Variants in ATAD2 observed in about 807,000 individuals in gnomAD.
ATAD2 encodes the protein ATPase family AAA domain-containing protein 2.
In ATAD2, 62 loss-of-function variants were observed where a neutral mutation model predicts 168.9. The ratio of observed to expected loss-of-function variants is 0.37; its 90% CI spans 0.30 to 0.45. ATAD2 has a LOEUF of 0.45. Among genes scored for constraint, ATAD2 ranks in the 20% least tolerant of loss-of-function variants. ATAD2 has a pLI of 1.00. For missense variants in ATAD2, 1,419 were observed against 1,667.8 expected (o/e 0.85, Z 2.60); for synonymous variants, 613 against 571.6 (o/e 1.07, Z -1.03).
chr8:123,364,258 C>T (rs569102605), intron 8 of ATAD2, among the ~76,000 whole-genome samples: 18 of 152,010 alleles, frequency 1.2e-4, no homozygotes, highest in Non-Finnish European at 1.5e-4. Flanking sequence ...TGCCAAAGGC[C>T]GCTAATAACT....
intron 21 of ATAD2, among the ~76,000 whole-genome samples, chr8:123,337,119 T>G (rs977864510): frequency 6.6e-6 from 1 of 151,088 alleles, no homozygotes; most frequent in Non-Finnish European, 1.5e-5. Flanking sequence ...TCCCAGCACT[T>G]TGGGAGGCTG....
At chr8:123,338,303 C>T (rs1318568804) in intron 20 of ATAD2, among the ~76,000 whole-genome samples, 2 of 150,962 alleles carry the variant, frequency 1.3e-5, no homozygotes, top group Non-Finnish European at 2.9e-5. Context: ...TGCAGTGAGC[C>T]AAGATCGTGC....
chr8:123,351,883 G>A (rs1344322423), intron 13 of ATAD2, among the ~76,000 whole-genome samples: 1 of 152,014 alleles, frequency 6.6e-6, no homozygotes, highest in Non-Finnish European at 1.5e-5. Flanking sequence ...GAGTAGCTGG[G>A]ACTACAGGCA....
chr8:123,370,799 A>C (rs1829128367), intron 6 of ATAD2, 104 bp downstream of exon 6: 1 of 779,244 alleles, frequency 1.3e-6, no homozygotes, highest in African/African-American at 1.8e-5. Context: ...GATCTCTCAC[A>C]AACTACCATA....
rs1827599747 is a variant in ATAD2 at position 123,325,831 on chromosome 8, A to T, written c.4002+62T>A. The T allele has an allele frequency of 3.2e-6, 5 of 1,576,652 alleles. No homozygotes were observed. In the Admixed American group the frequency reaches 5.4e-5, roughly 17 times the overall value. On this transcript the variant is annotated intron_variant, in intron 26 of 27. Coordinates refer to ENST00000287394, the MANE Select transcript of ATAD2 (RefSeq NM_014109.4). Reference sequence around the variant, plus strand: ...ATGTAGCCAGAATGCTACTAGTCACAAGCCAGTGTTTGGGGATTAGTAATC... The same window carrying T: ...ATGTAGCCAGAATGCTACTAGTCACTAGCCAGTGTTTGGGGATTAGTAATC...
Position 123,361,521 on chromosome 8 carries a change from C to A in ATAD2, c.1157+18G>T, listed in dbSNP as rs759113981. 1 of 1,565,982 alleles carries A rather than the reference C, an allele frequency of 6.4e-7. No homozygotes were observed. Among genetic ancestry groups the A allele is most frequent in the Non-Finnish European group, 8.8e-7 (1 of 1,138,622 alleles). ...AAATGTGTCTGCTAGTTTAAAAAGGCATCAATATGGCACTTACCTATTGAT... is the reference window on the plus strand; with the variant it reads ...AAATGTGTCTGCTAGTTTAAAAAGGAATCAATATGGCACTTACCTATTGAT... On this transcript the variant is annotated intron_variant, in intron 9 of 27. Coordinates refer to ENST00000287394, the MANE Select transcript of ATAD2 (RefSeq NM_014109.4).
At chr8:123,367,003 A>T (rs1828998790) in intron 8 of ATAD2, among the ~76,000 whole-genome samples, 1 of 152,230 alleles carries the variant, frequency 6.6e-6, no homozygotes, top group Admixed American at 6.5e-5. Flanking sequence ...AAATAAAATA[A>T]ATAAAAAACA....
intron 1 of ATAD2, among the ~76,000 whole-genome samples, chr8:123,384,268 T>C (rs957278667): frequency 2.0e-5 from 3 of 151,916 alleles, no homozygotes; most frequent in Non-Finnish European, 4.4e-5. Flanking sequence ...AAAAACTGGG[T>C]GGCACTGCTA....
intron 22 of ATAD2, 144 bp downstream of exon 22, chr8:123,336,228 AT>A (rs1827909257): frequency 8.4e-6 from 6 of 717,994 alleles, no homozygotes; most frequent in Non-Finnish European, 1.3e-5. Context: ...TCTAAACTTC[AT>A]TTTTACCATT....
At chr8:123,365,313 A>T (rs983325254) in intron 8 of ATAD2, among the ~76,000 whole-genome samples, 1 of 152,084 alleles carries the variant, frequency 6.6e-6, no homozygotes, top group Non-Finnish European at 1.5e-5. Context: ...TCCCATGCTC[A>T]TGGATGGGTA....
intron 19 of ATAD2, among the ~76,000 whole-genome samples, chr8:123,342,193 G>A (rs542506072): frequency 1.3e-5 from 2 of 152,340 alleles, no homozygotes; most frequent in South Asian, 4.1e-4. Context: ...ACTTGCCAAT[G>A]TAATCAACCT....
intron 1 of ATAD2, among the ~76,000 whole-genome samples, chr8:123,393,768 T>G (rs1036524783): frequency 6.6e-6 from 1 of 151,426 alleles, no homozygotes; most frequent in African/African-American, 2.4e-5. Flanking sequence ...AACACAAAAA[T>G]TAGGTAGGCG....
At chr8:123,332,461 C>T (rs1324782136) in intron 24 of ATAD2, among the ~76,000 whole-genome samples, 5 of 152,102 alleles carry the variant, frequency 3.3e-5, no homozygotes, top group African/African-American at 1.2e-4. Context: ...ATTTATGACA[C>T]CATGGATTAG....
chr8:123,399,014 C>G, upstream of ATAD2, among the ~76,000 whole-genome samples: 1 of 151,938 alleles, frequency 6.6e-6, no homozygotes, highest in East Asian at 1.9e-4. Flanking sequence ...TGTAATCCCC[C>G]CACTTTGGGA....
intron 20 of ATAD2, among the ~76,000 whole-genome samples, chr8:123,338,418 G>A (rs560028398): frequency 6.6e-6 from 1 of 151,588 alleles, no homozygotes; most frequent in South Asian, 2.1e-4. Flanking sequence ...TTATTTCCAG[G>A]ACAAAAATAT....
intron 1 of ATAD2, among the ~76,000 whole-genome samples, chr8:123,407,023 A>G (rs1234363128): frequency 6.6e-6 from 1 of 152,122 alleles, no homozygotes; most frequent in Non-Finnish European, 1.5e-5. Flanking sequence ...GTGTTCTTAT[A>G]AGGGAAAGCA....
At position 123,380,609 on chromosome 8, in the gene ATAD2, A is replaced by G; in HGVS notation, c.240T>C (p.Asp80=). The change falls in exon 2 of 28, where the codon GAT becomes GAC. Residue 80 remains aspartate (D), a synonymous_variant. Coordinates refer to ENST00000287394, the MANE Select transcript of ATAD2 (RefSeq NM_014109.4). The stretch of plus-strand genomic sequence containing the variant: ...AACTAGAATCTGAAGAATTCTGTGC[A>G]TCTTTTCTCAAAGATCTTAAAGCAC... The part of the protein sequence containing the change: ...RTRALRSLRK[D]AQNSSDSSFE... 1 of 1,614,056 alleles carries G rather than the reference A, an allele frequency of 6.2e-7. No individual in the cohort carries two copies. Among genetic ancestry groups the G allele is most frequent in the Non-Finnish European group, 8.5e-7 (1 of 1,179,978 alleles).
rs200740522 is a variant in ATAD2, at chr8:123,369,921, A to G, written c.831T>C (p.Asp277=). ...CATCTTCTTCATCTTCATCATCTTC[A>G]TCATCATCATCATCATCATCATCGT... The part of the protein sequence containing the change: ...DDDDDDDDDD[D]EDDEDEEDGE... The change falls in exon 7 of 28, where the codon GAT becomes GAC. Residue 277 remains aspartate (D), a synonymous_variant. Transcript: ENST00000287394. 1 of 1,415,556 alleles carries G rather than the reference A, an allele frequency of 7.1e-7. No homozygotes were observed. Among genetic ancestry groups the G allele is most frequent in the Non-Finnish European group, 9.7e-7 (1 of 1,027,504 alleles). The allele number at this position is 1,415,556 out of a possible 1,614,324, so 87.7% of individuals were successfully genotyped here.
chr8:123,369,287 C>T, intron 7 of ATAD2, 112 bp from the exon 8 acceptor site: 6 of 282,294 alleles, frequency 2.1e-5, no homozygotes, highest in Non-Finnish European at 3.0e-5. Context: ...GTGCTTATCG[C>T]CTTCCATGAA....
Sources: allele counts gnomAD v4.1 joint callset (sites outside exome capture counted in the v4.1 genomes callset), GRCh38; gene constraint gnomAD v4.1.1; transcripts MANE v1.5; gene names NCBI Gene and HGNC (gene_info 2026-07-23, HGNC 2026-07-21).